Variants in IGFBP7 observed in about 807,000 individuals in gnomAD.
IGFBP7 encodes the protein insulin like growth factor binding protein 7, also known as insulin-like growth factor-binding protein 7.
IGFBP7 carries 31 observed loss-of-function variants against 29.4 expected under a neutral mutation model. The observed-to-expected ratio is 1.05, with a 90% CI of 0.79 to 1.42. IGFBP7 has a LOEUF of 1.42. Among genes scored for constraint, IGFBP7 ranks in the 40% most tolerant of loss-of-function variants. IGFBP7 has a pLI of 0.00. For synonymous variants in IGFBP7, 172 were observed against 174.9 expected (o/e 0.98, Z 0.13); for missense variants, 393 against 395.5 (o/e 0.99, Z 0.05).
chr4:57,040,884 G>A lies in IGFBP7; in HGVS notation c.525C>T (p.Ala175=). 2 of 1,614,178 alleles carry A rather than the reference G, an allele frequency of 1.2e-6. No individual in the cohort carries two copies. The highest frequency in any genetic ancestry group is 4.5e-5 in the East Asian group (2 of 44,880). The change falls in exon 2 of 5, where the codon GCC becomes GCT. Residue 175 remains alanine (A), a synonymous_variant. Coordinates refer to ENST00000295666, the MANE Select transcript of IGFBP7 (RefSeq NM_001553.3). ...PPKDIWNVTG[A]QVYLSCEVIG... ...TGACCTCACAGCTCAAGTACACCTG[G>A]GCACCAGTGACATTCCAGATGTCCT...
chr4:57,033,466 T>C (rs941941606), intron 2 of IGFBP7, among the ~76,000 whole-genome samples, 155 bp from the exon 3 acceptor site: 1 of 152,218 alleles, frequency 6.6e-6, no homozygotes, highest in Admixed American at 6.5e-5. Flanking sequence ...CTAAATACTT[T>C]TAAAATATAG....
intron 1 of IGFBP7, among the ~76,000 whole-genome samples, chr4:57,046,278 A>T (rs1724358810): frequency 6.6e-6 from 1 of 152,120 alleles, no homozygotes; most frequent in South Asian, 2.1e-4. Flanking sequence ...TTTCACTGCC[A>T]ACAATCATCT....
chr4:57,083,370 T>A (rs1725419291), intron 1 of IGFBP7, among the ~76,000 whole-genome samples: 1 of 152,208 alleles, frequency 6.6e-6, no homozygotes, highest in Admixed American at 6.5e-5. Context: ...TTGTAGGTTA[T>A]TGTTGTTCTA....
intron 1 of IGFBP7, among the ~76,000 whole-genome samples, chr4:57,055,038 A>C (rs1478225309): frequency 6.6e-6 from 1 of 152,226 alleles, no homozygotes; most frequent in Non-Finnish European, 1.5e-5. Flanking sequence ...GGGGTCCGAC[A>C]GTGCAGTATA....
intron 1 of IGFBP7, among the ~76,000 whole-genome samples, chr4:57,096,344 C>A (rs909253498): frequency 2.7e-5 from 4 of 149,756 alleles, no homozygotes; most frequent in Non-Finnish European, 4.4e-5. Context: ...CAAAAACTGG[C>A]CTATTATTAT....
At chr4:57,089,288 T>C (rs888927838) in intron 1 of IGFBP7, among the ~76,000 whole-genome samples, 4 of 152,230 alleles carry the variant, frequency 2.6e-5, no homozygotes, top group Non-Finnish European at 5.9e-5. Flanking sequence ...TCTATCCATA[T>C]ACAATTATAA....
intron 1 of IGFBP7, among the ~76,000 whole-genome samples, chr4:57,075,407 T>C (rs1339895702): frequency 1.4e-5 from 2 of 147,728 alleles, no homozygotes; most frequent in Admixed American, 7.0e-5. Context: ...GCTTAGGATA[T>C]CTTCTCCTCC....
rs1339655388 is a variant in IGFBP7, at chr4:57,051,033, C to T, written c.476-10100G>A. Among the ~76,000 whole-genome samples the T allele has an allele frequency of 2.6e-5, 4 of 152,136 alleles. 1 individual carries two copies. The highest frequency in any genetic ancestry group is 9.7e-5 in the African/African-American group (4 of 41,416). ...GGTTTAAGAAGGACCTCAGATACCA[C>T]ATATGGAGATAGAGAGTTCAGACAA... On this transcript the variant is annotated intron_variant, in intron 1 of 4. Transcript: ENST00000295666.
chr4:57,039,065 CAA>C (rs71208974), intron 2 of IGFBP7, among the ~76,000 whole-genome samples: 4,857 of 106,048 alleles, frequency 0.046, 38 homozygotes, highest in Middle Eastern at 0.059. Flanking sequence ...AACTATGTCT[CAA>C]AAAAAAAAAA....
intron 1 of IGFBP7, among the ~76,000 whole-genome samples, chr4:57,075,882 C>A (rs1725210543): frequency 2.0e-5 from 3 of 152,164 alleles, no homozygotes; most frequent in South Asian, 2.1e-4. Context: ...CCACTTGGAA[C>A]ATGGATCTGT....
At chr4:57,031,488 A>C (rs1427056213) in intron 4 of IGFBP7, 152 bp from the exon 5 acceptor site, 10 of 656,448 alleles carry the variant, frequency 1.5e-5, no homozygotes, top group Non-Finnish European at 2.1e-5. Context: ...GATATGCTGG[A>C]GTGCTCTGTG....
chr4:57,052,940 C>T (rs988256922), intron 1 of IGFBP7, among the ~76,000 whole-genome samples: 6 of 152,096 alleles, frequency 3.9e-5, no homozygotes, highest in Non-Finnish European at 8.8e-5. Context: ...GACCACAGAA[C>T]ATGCACAGAA....
At chr4:57,106,386 G>C (rs1158411091) in intron 1 of IGFBP7, among the ~76,000 whole-genome samples, 1 of 152,058 alleles carries the variant, frequency 6.6e-6, no homozygotes, top group East Asian at 1.9e-4. Context: ...AGTGAAGGAG[G>C]GTGCAATTGT....
chr4:57,031,216 G>C lies in IGFBP7; in HGVS notation c.*101C>G. On this transcript the variant is annotated 3_prime_UTR_variant, in exon 5 of 5. Transcript: ENST00000295666. ...TGTAAAACCAGTGAATATAACTAAA[G>C]TGTTAGTGGATTGGATTAAAAGAAA... 1.0e-6 allele frequency: 1 copy of C among 974,754 alleles called. No individual in the cohort carries two copies. Among genetic ancestry groups the C allele is most frequent in the Non-Finnish European group, 1.6e-6 (1 of 611,126 alleles). 60.4% of individuals were successfully genotyped at this position (974,754 alleles called of 1,614,324 possible).
At chr4:57,073,711 C>G (rs1914740) in intron 1 of IGFBP7, among the ~76,000 whole-genome samples, 43,641 of 152,086 alleles carry the variant, frequency 0.29, 6,479 homozygotes, top group African/African-American at 0.35. Context: ...CAAACAGCCC[C>G]CTAAGCTTCC....
At chr4:57,041,072 C>A in intron 1 of IGFBP7, 139 bp from the exon 2 acceptor site, 1 of 675,764 alleles carries the variant, frequency 1.5e-6, no homozygotes, top group South Asian at 1.6e-5. Flanking sequence ...AAAGACCACA[C>A]TGGCTTCCTC....
chr4:57,072,802 T>TG (rs1417726682), intron 1 of IGFBP7: 1 of 554,352 alleles, frequency 1.8e-6, no homozygotes, highest in Non-Finnish European at 3.6e-6. Context: ...ATTGAGCAGC[T>TG]GGCACAGCAT....
chr4:57,085,413 A>C (rs1725474806), intron 1 of IGFBP7, among the ~76,000 whole-genome samples: 1 of 152,048 alleles, frequency 6.6e-6, no homozygotes, highest in South Asian at 2.1e-4. Context: ...CTAGTCTTTT[A>C]AGGGATTCTC....
intron 1 of IGFBP7, among the ~76,000 whole-genome samples, chr4:57,050,245 G>GTT (rs10547708): frequency 1.4e-4 from 19 of 137,112 alleles, no homozygotes; most frequent in Non-Finnish European, 2.2e-4. Flanking sequence ...TTTTATTTAA[G>GTT]TTTTTTTTTT....
Sources: gnomAD v4.1 joint callset for allele counts (sites outside exome capture counted in the v4.1 genomes callset) on GRCh38, gnomAD v4.1.1 for gene constraint, MANE v1.5 for transcripts, NCBI Gene and HGNC (gene_info 2026-07-23, HGNC 2026-07-21) for gene names.